GTF2H5: variants seen among roughly 807,000 people sequenced by gnomAD.
GTF2H5 encodes TFB5 ortholog.
GTF2H5 carries 5 observed loss-of-function variants against 7.1 expected under a neutral mutation model. The observed-to-expected ratio is 0.71, with a 90% confidence interval of 0.37 to 1.49. The LOEUF (loss-of-function observed/expected upper bound fraction) is 1.49, where lower values mean the gene tolerates loss of function less well. GTF2H5 is among the 40% of genes most tolerant of loss of function. The probability of loss-of-function intolerance (pLI) is 0.03; values close to 1 mark genes in which losing one functional copy is unlikely to be tolerated. For missense variants in GTF2H5, 80 were observed against 83.0 expected, an observed-to-expected ratio of 0.96 and a Z score of 0.14; for synonymous variants, 30 against 31.7, an observed-to-expected ratio of 0.95 and a Z score of 0.18.
At chr6:158,191,146 T>C (rs1178317026) in intron 2 of GTF2H5, among the ~76,000 whole-genome samples, 3 of 152,196 alleles carry the variant, frequency 2.0e-5, no homozygotes, top group Non-Finnish European at 4.4e-5. Context: ...TCTGGGAGAT[T>C]AAGTACCTAT....
chr6:158,183,144 C>T (rs1224137417), intron 2 of GTF2H5, among the ~76,000 whole-genome samples: 1 of 152,166 alleles, frequency 6.6e-6, no homozygotes, highest in Non-Finnish European at 1.5e-5. Flanking sequence ...CCCTCAGCTG[C>T]AGGTCTGTTG....
chr6:158,174,883 G>A (rs973641215), intron 2 of GTF2H5, among the ~76,000 whole-genome samples: 1 of 152,136 alleles, frequency 6.6e-6, no homozygotes, highest in African/African-American at 2.4e-5. Flanking sequence ...GAAGTAAGAA[G>A]TATGGCAAAA....
At position 158,178,654 on chromosome 6, in the gene GTF2H5, G is replaced by A. The variant is rs188981315; in HGVS notation, c.35+8116G>A. ...GTTGGCTGCATAGATGTCGTCTTTT[G>A]AGAAGTGTCTGTTCATATCCTTTGC... On this transcript the variant is annotated intron_variant, in intron 2 of 2. Coordinates refer to ENST00000607778, the MANE Select transcript of GTF2H5 (RefSeq NM_207118.3). Among the ~76,000 whole-genome samples, 11 of 152,208 alleles carry A rather than the reference G, an allele frequency of 7.2e-5. No homozygotes were observed. In the East Asian group the frequency reaches 2.1e-3, roughly 29 times the overall value.
Position 158,198,688 on chromosome 6 carries a change from G to A in GTF2H5, c.*6531G>A, listed in dbSNP as rs1456064627. On this transcript the variant is annotated 3_prime_UTR_variant, in exon 3 of 3. Coordinates refer to ENST00000607778, the MANE Select transcript of GTF2H5 (RefSeq NM_207118.3). ...CCCAAAGTGGTGGGATTACAGGCGTGAGCCAGCGCGCCCGGCCTGGACTTA... is the reference window on the plus strand; with the variant it reads ...CCCAAAGTGGTGGGATTACAGGCGTAAGCCAGCGCGCCCGGCCTGGACTTA... The A allele has an allele frequency of 1.3e-5, 2 of 152,226 alleles. No individual in the cohort carries two copies. Among genetic ancestry groups the A allele is most frequent in the Non-Finnish European group, 2.9e-5 (2 of 68,072 alleles). 9.4% of individuals were successfully genotyped at this position (152,226 alleles called of 1,614,324 possible).
At position 158,198,473 on chromosome 6, in the gene GTF2H5, C is replaced by G. The variant is rs1443659107; in HGVS notation, c.*6316C>G. ...TTTGAAACAAGATCTCGCTCTGTTG[C>G]TCAGGCTGAAGTGCAATAGCGCAAA... On this transcript the variant is annotated 3_prime_UTR_variant, in exon 3 of 3. Transcript: ENST00000607778. 6.6e-6 allele frequency: 1 copy of G among 152,180 alleles called. No individual in the cohort carries two copies. Among genetic ancestry groups the G allele is most frequent in the Non-Finnish European group, 1.5e-5 (1 of 68,056 alleles). The allele number at this position is 152,180 out of a possible 1,614,324, so 9.4% of individuals were successfully genotyped here. A position where few individuals can be genotyped will look rare whatever the true frequency, so the allele number is the denominator to read the frequency against.
rs577976916 is a variant in GTF2H5, at chr6:158,195,673, G to A, written c.*3516G>A. 6 of 152,296 alleles carry A rather than the reference G, an allele frequency of 3.9e-5. No homozygotes were observed. Among genetic ancestry groups the A allele is most frequent in the African/African-American group, 1.4e-4 (6 of 41,570 alleles). The allele number at this position is 152,296 out of a possible 1,614,324, so 9.4% of individuals were successfully genotyped here. ...TGTACTTTTTTCTGAGAAGTTGGTA[G>A]TGTACTTACTACTCTATTTTGCAGT... On this transcript the variant is annotated 3_prime_UTR_variant, in exon 3 of 3. Coordinates refer to ENST00000607778, the MANE Select transcript of GTF2H5 (RefSeq NM_207118.3).
chr6:158,169,777 A>ATTATATATTATATT lies in GTF2H5; in HGVS notation c.-34-691_-34-690insATATATTATATTTT, dbSNP rs1234799263. 5.2e-4 allele frequency among the ~76,000 whole-genome samples: 58 copies of ATTATATATTATATT among 110,908 alleles called. 3 individuals are homozygous for ATTATATATTATATT. Among genetic ancestry groups the ATTATATATTATATT allele is most frequent in the African/African-American group, 2.2e-3 (55 of 25,248 alleles). The allele number at this position is 110,908 out of a possible 152,430, so 72.8% of individuals were successfully genotyped here. On this transcript the variant is annotated intron_variant, in intron 1 of 2. Coordinates refer to ENST00000607778, the MANE Select transcript of GTF2H5 (RefSeq NM_207118.3). ...ATATATTGTATATTATATATAATAT[A>ATTATATATTATATT]TTGTATATTATATATTATATATTGT...
In GTF2H5 at chr6:158,199,308, AC is replaced by A. The variant is rs1160671237; in HGVS notation, c.*7156del. On this transcript the variant is annotated 3_prime_UTR_variant, in exon 3 of 3. Transcript: ENST00000607778. ...ATCCATGGGACAAGCATGTACATGC[AC>A]CCCCTGAGTCTAAAATAAAAATTTT... 1 of 152,234 alleles carries A rather than the reference AC, an allele frequency of 6.6e-6. No individual in the cohort carries two copies. The highest frequency in any genetic ancestry group is 1.9e-4 in the East Asian group (1 of 5,190). The allele number at this position is 152,234 out of a possible 1,614,324, so 9.4% of individuals were successfully genotyped here. A position where few individuals can be genotyped will look rare whatever the true frequency, so the allele number is the denominator to read the frequency against.
Position 158,184,001 on chromosome 6 carries a change from G to A in GTF2H5, c.36-7976G>A, listed in dbSNP as rs1776855233. On this transcript the variant is annotated intron_variant, in intron 2 of 2. Coordinates refer to ENST00000607778, the MANE Select transcript of GTF2H5 (RefSeq NM_207118.3). ...TTCTGTGTCGATCTTGCTGGGAGCTGTACACCAGAGCTGTTCCTATTTGGC... is the reference window on the plus strand; with the variant it reads ...TTCTGTGTCGATCTTGCTGGGAGCTATACACCAGAGCTGTTCCTATTTGGC... 3.3e-5 allele frequency among the ~76,000 whole-genome samples: 5 copies of A among 152,190 alleles called. No individual in the cohort carries two copies. The South Asian group carries it at 1.0e-3, about 32-fold the overall frequency.
intron 1 of GTF2H5, among the ~76,000 whole-genome samples, chr6:158,169,453 TTATA>T (rs1261853606): frequency 3.5e-5 from 2 of 57,568 alleles, no homozygotes; most frequent in Non-Finnish European, 5.6e-5. Context: ...ATATTATATA[TTATA>T]TATATTATAT....
At chr6:158,184,750 A>G (rs1032883201) in intron 2 of GTF2H5, among the ~76,000 whole-genome samples, 1 of 152,208 alleles carries the variant, frequency 6.6e-6, no homozygotes, top group Admixed American at 6.5e-5. Context: ...ATCAAGAAAG[A>G]TAGTTTACCA....
At chr6:158,183,856 C>T (rs1398136003) in intron 2 of GTF2H5, among the ~76,000 whole-genome samples, 1 of 152,242 alleles carries the variant, frequency 6.6e-6, no homozygotes, top group African/African-American at 2.4e-5. Flanking sequence ...CCTTGCACTT[C>T]CTGGGTGAGG....
intron 2 of GTF2H5, among the ~76,000 whole-genome samples, chr6:158,182,577 T>TTCATTCTTTTTCCTC (rs568189384): frequency 1.2e-4 from 18 of 152,152 alleles, no homozygotes; most frequent in African/African-American, 4.1e-4. Context: ...TTCATTTCTT[T>TTCATTCTTTTTCCTC]TCATTCTTTT....
rs187131827 is a variant in GTF2H5, at chr6:158,177,637, A to G, written c.35+7099A>G. 1.8e-3 allele frequency among the ~76,000 whole-genome samples: 276 copies of G among 152,302 alleles called. 1 individual carries two copies. The highest frequency in any genetic ancestry group is 6.6e-3 in the African/African-American group (273 of 41,564). On this transcript the variant is annotated intron_variant, in intron 2 of 2. Coordinates refer to ENST00000607778, the MANE Select transcript of GTF2H5 (RefSeq NM_207118.3). ...TGCAGAACGTACAGTTTTGTTACATAGGTATACATGTGCCATGGTAGTTTG... is the reference window on the plus strand; with the variant it reads ...TGCAGAACGTACAGTTTTGTTACATGGGTATACATGTGCCATGGTAGTTTG...
At chr6:158,172,341 C>G (rs538451032) in intron 2 of GTF2H5, among the ~76,000 whole-genome samples, 1 of 149,478 alleles carries the variant, frequency 6.7e-6, no homozygotes, top group African/African-American at 2.5e-5. Flanking sequence ...GACACGGAGT[C>G]TTGCTCTGTT....
chr6:158,184,902 T>C (rs1264335988), intron 2 of GTF2H5, among the ~76,000 whole-genome samples: 1 of 152,202 alleles, frequency 6.6e-6, no homozygotes, highest in East Asian at 1.9e-4. Context: ...TTATAGGAGC[T>C]ATACTAAGCT....
chr6:158,189,877 G>A (rs1280491491), intron 2 of GTF2H5, among the ~76,000 whole-genome samples: 1 of 152,018 alleles, frequency 6.6e-6, no homozygotes, highest in Non-Finnish European at 1.5e-5. Flanking sequence ...CTGAATCCAG[G>A]GATCAATTTT....
rs888004353 is a variant in GTF2H5, at chr6:158,196,030, C to T, written c.*3873C>T. The T allele has an allele frequency of 6.6e-6, 1 of 152,140 alleles. No individual in the cohort carries two copies. Among genetic ancestry groups the T allele is most frequent in the Non-Finnish European group, 1.5e-5 (1 of 68,044 alleles). 9.4% of individuals were successfully genotyped at this position (152,140 alleles called of 1,614,324 possible). ...GGCGCGGTGGCTCACGTCTATAATC[C>T]TAGCACTTTGGGAGGCCGAGGCGGG... On this transcript the variant is annotated 3_prime_UTR_variant, in exon 3 of 3. Coordinates refer to ENST00000607778, the MANE Select transcript of GTF2H5 (RefSeq NM_207118.3).
Position 158,192,108 on chromosome 6 carries a change from G to A in GTF2H5, c.167G>A (p.Arg56Gln), listed in dbSNP as rs181096841. Reference protein sequence around the residue: ...IAELVNVLQERVGELMDQNAF... With the variant: ...IAELVNVLQEQVGELMDQNAF... The stretch of plus-strand genomic sequence containing the variant: ...GAATTGGTTAATGTCCTCCAGGAGC[G>A]AGTGGGTGAATTAATGGACCAAAAT... The change falls in exon 3 of 3, where the codon CGA becomes CAA. Residue 56 changes from arginine (R) to glutamine (Q), a missense_variant. Arg to Gln is a conservative substitution (Grantham distance 43, BLOSUM62 1). Coordinates refer to ENST00000607778, the MANE Select transcript of GTF2H5 (RefSeq NM_207118.3). 634 of 1,613,774 alleles carry A rather than the reference G, an allele frequency of 3.9e-4. 1 individual carries two copies. Among genetic ancestry groups the A allele is most frequent in the Non-Finnish European group, 4.7e-4 (550 of 1,179,916 alleles).
Sources: allele counts gnomAD v4.1 joint callset (sites outside exome capture counted in the v4.1 genomes callset), GRCh38; gene constraint gnomAD v4.1.1; transcripts MANE v1.5; gene names NCBI Gene and HGNC (gene_info 2026-07-23, HGNC 2026-07-21).